HSD17B12: variants seen among roughly 807,000 people sequenced by gnomAD.
HSD17B12 encodes very-long-chain 3-oxoacyl-CoA reductase.
In HSD17B12, 32 loss-of-function variants were observed where a neutral mutation model predicts 39.3. The ratio of observed to expected loss-of-function variants is 0.81; its 90% CI spans 0.61 to 1.09. The LOEUF (loss-of-function observed/expected upper bound fraction) is 1.09, where lower values mean the gene tolerates loss of function less well. Among genes scored for constraint, HSD17B12 ranks in the 50% least tolerant of loss-of-function variants. The pLI is 0.00. For synonymous variants in HSD17B12, 150 were observed against 146.7 expected, an observed-to-expected ratio of 1.02 and a Z score of -0.16; for missense variants, 342 against 382.9, an observed-to-expected ratio of 0.89 and a Z score of 0.89.
chr11:43,796,464 C>T (rs1950917444), intron 3 of HSD17B12, among the ~76,000 whole-genome samples: 2 of 152,152 alleles, frequency 1.3e-5, no homozygotes, highest in South Asian at 4.1e-4. Context: ...GGTATGAGTT[C>T]AGAAATTTTA....
At chr11:43,604,726 T>C in the HSD17B12 span, among the ~76,000 whole-genome samples, 2 of 152,196 alleles carry the variant, frequency 1.3e-5, no homozygotes, top group Non-Finnish European at 2.9e-5. Flanking sequence ...CAATAAGAAC[T>C]TGAACTTGCT....
the HSD17B12 span, among the ~76,000 whole-genome samples, chr11:43,562,291 GCTGGATGGCATC>G: frequency 6.4e-4 from 97 of 152,364 alleles, no homozygotes; most frequent in African/African-American, 2.2e-3. Flanking sequence ...TCTCTGATAG[GCTGGATGGCATC>G]CTGAGTACAG....
the HSD17B12 span, among the ~76,000 whole-genome samples, chr11:43,610,982 G>A: frequency 6.6e-6 from 1 of 152,188 alleles, no homozygotes; most frequent in Non-Finnish European, 1.5e-5. Flanking sequence ...TTTCTTGGAA[G>A]TTCATTAGGG....
chr11:43,603,277 T>C, the HSD17B12 span, among the ~76,000 whole-genome samples: 1 of 152,184 alleles, frequency 6.6e-6, no homozygotes, highest in Non-Finnish European at 1.5e-5. Context: ...CATACATCAG[T>C]AATGAGTGAA....
At chr11:43,603,891 C>A in the HSD17B12 span, among the ~76,000 whole-genome samples, 1 of 151,936 alleles carries the variant, frequency 6.6e-6, no homozygotes, top group Non-Finnish European at 1.5e-5. Context: ...GAATTTAATC[C>A]AAATTTGCTG....
In HSD17B12 at chr11:43,754,118, A is replaced by G; in HGVS notation, c.280A>G (p.Ile94Val). The change falls in exon 3 of 11, where the codon ATA becomes GTA. Residue 94 changes from isoleucine to valine, a missense_variant. Physicochemically the swap from Ile to Val is conservative, Grantham distance 29. Transcript: ENST00000278353. Reference sequence around the variant, plus strand: ...TAAACTTGACCAGGTTTCCAGTGAAATAAGTAAGTTCTCACATCAAACAAA... The same window carrying G: ...TAAACTTGACCAGGTTTCCAGTGAAGTAAGTAAGTTCTCACATCAAACAAA... Reference protein sequence around the residue: ...KDKLDQVSSEIKEKFKVETRT... With the variant: ...KDKLDQVSSEVKEKFKVETRT... 1.9e-6 allele frequency: 3 copies of G among 1,605,470 alleles called. No homozygotes were observed. Among genetic ancestry groups the G allele is most frequent in the Non-Finnish European group, 2.6e-6 (3 of 1,172,844 alleles).
At chr11:43,642,128 TA>T in the HSD17B12 span, among the ~76,000 whole-genome samples, 199 of 151,806 alleles carry the variant, frequency 1.3e-3, no homozygotes, top group Admixed American at 0.011. Context: ...TTTAGGGTTT[TA>T]AAAAAATATA....
At chr11:43,807,427 A>C (rs1951029999) in intron 4 of HSD17B12, among the ~76,000 whole-genome samples, 1 of 152,184 alleles carries the variant, frequency 6.6e-6, no homozygotes, top group Non-Finnish European at 1.5e-5. Context: ...GTGTCAGTAG[A>C]ACTGACAAAA....
chr11:43,711,330 T>A (rs1214719692), intron 1 of HSD17B12, among the ~76,000 whole-genome samples: 1 of 152,202 alleles, frequency 6.6e-6, no homozygotes, highest in East Asian at 1.9e-4. Flanking sequence ...ATTTTATCTT[T>A]AGAAAGAAGC....
At chr11:43,631,621 CTG>C in the HSD17B12 span, among the ~76,000 whole-genome samples, 2 of 61,366 alleles carry the variant, frequency 3.3e-5, no homozygotes, top group Admixed American at 2.9e-4. Context: ...CTCTCTCTCT[CTG>C]TCTGTCTGTC....
At chr11:43,832,913 T>G (rs1951326557) in intron 7 of HSD17B12, 1 of 151,876 alleles carries the variant, frequency 6.6e-6, no homozygotes, top group Non-Finnish European at 1.5e-5. Flanking sequence ...ACAGCTATAA[T>G]CCCAGCTACT....
chr11:43,691,961 T>C (rs529876181), intron 1 of HSD17B12, among the ~76,000 whole-genome samples: 16 of 152,330 alleles, frequency 1.1e-4, no homozygotes, highest in African/African-American at 3.4e-4. Context: ...ATTCTACTCA[T>C]GTTCCAGAGT....
chr11:43,795,122 A>G (rs1012745958), intron 3 of HSD17B12, among the ~76,000 whole-genome samples: 1 of 152,018 alleles, frequency 6.6e-6, no homozygotes, highest in Admixed American at 6.6e-5. Flanking sequence ...TCACCCTCAT[A>G]CTGATGTTTA....
the HSD17B12 span, chr11:43,673,327 T>G: frequency 6.6e-6 from 1 of 152,056 alleles, no homozygotes; most frequent in East Asian, 1.9e-4. Flanking sequence ...GTTGCTTCAT[T>G]TTTTTCATAT....
chr11:43,641,583 T>A, the HSD17B12 span, among the ~76,000 whole-genome samples: 1 of 152,004 alleles, frequency 6.6e-6, no homozygotes. Context: ...AAATATTTTT[T>A]TGTAGGGTCA....
intron 7 of HSD17B12, chr11:43,833,978 A>C (rs933820897): frequency 6.6e-6 from 1 of 152,220 alleles, no homozygotes; most frequent in Admixed American, 6.5e-5. Flanking sequence ...TTGCCATAAC[A>C]ACCATGGGAA....
At chr11:43,621,016 T>G in the HSD17B12 span, among the ~76,000 whole-genome samples, 1 of 152,328 alleles carries the variant, frequency 6.6e-6, no homozygotes, top group South Asian at 2.1e-4. Flanking sequence ...AAGTTAATTT[T>G]ACTTTTACTG....
chr11:43,605,809 T>C, the HSD17B12 span, among the ~76,000 whole-genome samples: 13 of 152,348 alleles, frequency 8.5e-5, no homozygotes, highest in African/African-American at 3.1e-4. Context: ...AGACTTTTTC[T>C]GAGAAATTGT....
intron 1 of HSD17B12, chr11:43,718,805 C>A: frequency 2.1e-6 from 2 of 931,042 alleles, no homozygotes; most frequent in Non-Finnish European, 1.7e-6. Flanking sequence ...CCGCACGTCA[C>A]CCGCCTTCTG....
Sources: gnomAD v4.1 joint callset for allele counts (sites outside exome capture counted in the v4.1 genomes callset) on GRCh38, gnomAD v4.1.1 for gene constraint, MANE v1.5 for transcripts, NCBI Gene and HGNC (gene_info 2026-07-23, HGNC 2026-07-21) for gene names.